NLRC3: variants seen among roughly 807,000 people sequenced by gnomAD.
NLRC3 encodes the protein NLR family CARD domain-containing protein 3.
In NLRC3, 87 loss-of-function variants were observed where a neutral mutation model predicts 91.6. The observed-to-expected ratio is 0.95, with a 90% CI of 0.80 to 1.14. NLRC3 has a LOEUF of 1.14. NLRC3 is among the 50% of genes most tolerant of loss of function. The pLI, the probability that NLRC3 is intolerant of heterozygous loss-of-function variation, is 0.00. For synonymous variants in NLRC3, 694 were observed against 625.3 expected, an observed-to-expected ratio of 1.11 and a Z score of -1.64; for missense variants, 1,577 against 1,418.6, an observed-to-expected ratio of 1.11 and a Z score of -1.79.
At chr16:3,556,587 C>T (rs1204327190) in intron 8 of NLRC3, among the ~76,000 whole-genome samples, 4 of 152,096 alleles carry the variant, frequency 2.6e-5, no homozygotes, top group Non-Finnish European at 4.4e-5. Context: ...TTACTGCAAC[C>T]TCTGCTTCCC....
chr16:3,541,888 G>A lies in NLRC3; in HGVS notation c.3135C>T (p.Ser1045=), dbSNP rs781368809. The A allele has an allele frequency of 2.3e-5, 37 of 1,611,224 alleles. No individual in the cohort carries two copies. The highest frequency in any genetic ancestry group is 3.3e-5 in the Admixed American group (2 of 59,796). Residue 1045 remains serine, a synonymous_variant, in exon 20 of 20, where the codon TCC becomes TCT. Transcript: ENST00000359128. Reference sequence around the variant, plus strand: ...TGGCCTCTGAGATCATCCTGGCCCCGGAGTCCCCAATGTGGTTTCCCTGGA... The same window carrying A: ...TGGCCTCTGAGATCATCCTGGCCCCAGAGTCCCCAATGTGGTTTCCCTGGA... ...INLQGNHIGD[S]GARMISEAIK...
chr16:3,557,038 G>C (rs75394576), intron 7 of NLRC3, 44 bp from the exon 8 acceptor site: 21 of 1,357,750 alleles, frequency 1.5e-5, no homozygotes, highest in Non-Finnish European at 2.2e-5. Flanking sequence ...CTGTCTCCCA[G>C]AGAGGGAAGG....
chr16:3,561,494 C>T (rs1245973034), intron 6 of NLRC3, among the ~76,000 whole-genome samples: 3 of 152,198 alleles, frequency 2.0e-5, no homozygotes, highest in Non-Finnish European at 4.4e-5. Flanking sequence ...CCCGCCAGGT[C>T]ACCTCCCTCT....
At chr16:3,573,733 A>T (rs1211529622) in intron 1 of NLRC3, among the ~76,000 whole-genome samples, 1 of 152,182 alleles carries the variant, frequency 6.6e-6, no homozygotes, top group Non-Finnish European at 1.5e-5. Flanking sequence ...TTGATTTAAA[A>T]TTTTGGTAAA....
chr16:3,544,424 A>G (rs2038579921), intron 15 of NLRC3, 95 bp from the exon 16 acceptor site: 7 of 812,544 alleles, frequency 8.6e-6, no homozygotes, highest in South Asian at 1.4e-5. Flanking sequence ...TTAACCGACT[A>G]CACACACCAT....
At position 3,549,771 on chromosome 16, in the gene NLRC3, G is replaced by A. The variant is rs1018795818; in HGVS notation, c.2445C>T (p.Ser815=). 2 of 1,550,490 alleles carry A rather than the reference G, an allele frequency of 1.3e-6. No homozygotes were observed. Among genetic ancestry groups the A allele is most frequent in the Admixed American group, 3.9e-5 (2 of 51,004 alleles). Residue 815 remains serine, a synonymous_variant, in exon 12 of 20, where the codon AGC becomes AGT. Transcript: ENST00000359128. The stretch of plus-strand genomic sequence containing the variant: ...CCACTCCTGCGTCACTGATGGAATT[G>A]CTCTGCAGGCTGCGGAAAGAGGAGG... ...NQGLESLDLQ[S]NSISDAGVAA... is the part of the protein sequence containing the mutation.
In NLRC3 at chr16:3,563,227, G is replaced by T; in HGVS notation, c.1710C>A (p.Cys570Ter). Residue 570 changes from cysteine (C) to a stop codon, truncating the protein, a stop_gained, in exon 5 of 20, where the codon TGC becomes TGA. Coordinates refer to ENST00000359128, the MANE Select transcript of NLRC3 (RefSeq NM_178844.4). LOFTEE classifies it high-confidence loss of function. ...VCARAINVLH[C>*]LHELQHTELA... ...GCTCGGTGTGCTGCAGCTCATGCAG[G>T]CAGTGCAACACGTTGATGGCCCGTG... 1 of 1,603,990 alleles carries T rather than the reference G, an allele frequency of 6.2e-7. No individual in the cohort carries two copies. The highest frequency in any genetic ancestry group is 8.5e-7 in the Non-Finnish European group (1 of 1,177,502).
In NLRC3 at chr16:3,561,855, G is replaced by A. The variant is rs141421687; in HGVS notation, c.1929-67C>T. ...ACGGGCAGGGTGGGGGCCCTGGCCC[G>A]GGGCCTCTGCCTCTCTCCATCCCAT... On this transcript the variant is annotated intron_variant, in intron 5 of 19. Transcript: ENST00000359128. 6.4e-4 allele frequency: 720 copies of A among 1,129,122 alleles called. 3 individuals are homozygous for A. The East Asian group carries it at 0.011, about 17-fold the overall frequency. 69.9% of individuals were successfully genotyped at this position (1,129,122 alleles called of 1,614,324 possible). A position where few individuals can be genotyped will look rare whatever the true frequency, so the allele number is the denominator to read the frequency against.
rs779442413 is a variant in NLRC3, at chr16:3,561,761, G to A, written c.1956C>T (p.Pro652=). The change falls in exon 6 of 20, where the codon CCC becomes CCT. Residue 652 remains proline, a synonymous_variant. Coordinates refer to ENST00000359128, the MANE Select transcript of NLRC3 (RefSeq NM_178844.4). The part of the protein sequence containing the change: ...LRLDTNQFQD[P]VMELLGSVLS... ...GCACGCTGCCCAGCAGCTCCATCACGGGGTCCTGGAACTGGTTGGTGTCCA... is the reference window on the plus strand; with the variant it reads ...GCACGCTGCCCAGCAGCTCCATCACAGGGTCCTGGAACTGGTTGGTGTCCA... 13 of 1,613,396 alleles carry A rather than the reference G, an allele frequency of 8.1e-6. No individual in the cohort carries two copies. The highest frequency in any genetic ancestry group is 5.0e-5 in the Admixed American group (3 of 60,012).
Position 3,541,846 on chromosome 16 carries a change from G to A in NLRC3, c.3177C>T (p.Pro1059=). The part of the protein sequence containing the change: ...MISEAIKTNA[P]TCTVEM ...AGGATCACATTTCAACAGTGCACGT[G>A]GGAGCATTTGTCTTGATGGCCTCTG... The change falls in exon 20 of 20, where the codon CCC becomes CCT. Residue 1059 remains proline, a synonymous_variant. Transcript: ENST00000359128. The A allele has an allele frequency of 1.2e-6, 2 of 1,610,982 alleles. No homozygotes were observed. The highest frequency in any genetic ancestry group is 2.2e-5 in the South Asian group (2 of 90,704).
At chr16:3,553,680 GT>G (rs2039133000) in intron 9 of NLRC3, among the ~76,000 whole-genome samples, 1 of 149,792 alleles carries the variant, frequency 6.7e-6, no homozygotes, top group African/African-American at 2.5e-5. Context: ...ACATCTGTGG[GT>G]TGGTAGAAGG....
chr16:3,549,863 C>G, intron 11 of NLRC3, 83 bp from the exon 12 acceptor site: 1 of 915,876 alleles, frequency 1.1e-6, no homozygotes, highest in Non-Finnish European at 1.7e-6. Context: ...ACAGCAGGCA[C>G]TGGGCTCAAC....
intron 10 of NLRC3, among the ~76,000 whole-genome samples, chr16:3,550,729 G>A (rs113138692): frequency 0.014 from 2,195 of 152,330 alleles, 15 homozygotes; most frequent in Middle Eastern, 0.031. Context: ...CTGGCAAGAA[G>A]GGTCAACCCT....
In NLRC3 at chr16:3,553,044, G is replaced by A. The variant is rs1356705418; in HGVS notation, c.2268-765C>T. ...TAAATCTGGTGGAGGGAGACAGCAC[G>A]GGAGAAACCCTGTCCTCATCCTACA... On this transcript the variant is annotated intron_variant, in intron 9 of 19. Transcript: ENST00000359128. Among the ~76,000 whole-genome samples, 9 of 152,322 alleles carry A rather than the reference G, an allele frequency of 5.9e-5. No individual in the cohort carries two copies. In the South Asian group the frequency reaches 6.2e-4, roughly 11 times the overall value.
chr16:3,551,453 A>T (rs1186207195), intron 10 of NLRC3, among the ~76,000 whole-genome samples: 1 of 149,594 alleles, frequency 6.7e-6, no homozygotes, highest in Non-Finnish European at 1.5e-5. Context: ...TACTCTACTC[A>T]TTCATTCATT....
chr16:3,544,229 G>C lies in NLRC3; in HGVS notation c.2855+17C>G, dbSNP rs200352220. 2 of 1,489,898 alleles carry C rather than the reference G, an allele frequency of 1.3e-6. No individual in the cohort carries two copies. Among genetic ancestry groups the C allele is most frequent in the East Asian group, 4.5e-5 (2 of 44,228 alleles). 92.3% of individuals were successfully genotyped at this position (1,489,898 alleles called of 1,614,324 possible). ...AAGGGACCGGTTTCCTGACTGCTGCGCACATCTAGGACTTACTAGAGAGCA... is the reference window on the plus strand; with the variant it reads ...AAGGGACCGGTTTCCTGACTGCTGCCCACATCTAGGACTTACTAGAGAGCA... On this transcript the variant is annotated intron_variant, in intron 16 of 19. Transcript: ENST00000359128.
At position 3,563,269 on chromosome 16, in the gene NLRC3, G is replaced by C; in HGVS notation, c.1668C>G (p.Pro556=). The change falls in exon 5 of 20, where the codon CCC becomes CCG. Residue 556 remains proline (P), a synonymous_variant. Transcript: ENST00000359128. ...TGGCCCGTGCACAGACTGCGGCATC[G>C]GGGCGCAGGCAGCCCTGCAGGAGCT... is the stretch of plus-strand genomic sequence containing the variant. The part of the protein sequence containing the change: ...VAELLQGCLR[P]DAAVCARAIN... 1 of 1,605,638 alleles carries C rather than the reference G, an allele frequency of 6.2e-7. No individual in the cohort carries two copies. The highest frequency in any genetic ancestry group is 8.5e-7 in the Non-Finnish European group (1 of 1,177,518).
rs2038395734 is a variant in NLRC3 at position 3,541,599 on chromosome 16, T to C, written c.*226A>G. 1 of 558,682 alleles carries C rather than the reference T, an allele frequency of 1.8e-6. No homozygotes were observed. Among genetic ancestry groups the C allele is most frequent in the Non-Finnish European group, 3.2e-6 (1 of 312,962 alleles). The allele number at this position is 558,682 out of a possible 1,614,324, so 34.6% of individuals were successfully genotyped here. On this transcript the variant is annotated 3_prime_UTR_variant, in exon 20 of 20. Coordinates refer to ENST00000359128, the MANE Select transcript of NLRC3 (RefSeq NM_178844.4). ...CCTTGGGGGTGGCCCCTCCCTTCTCTGTGCCATAACAGAGTACCCGTCACC... is the reference window on the plus strand; with the variant it reads ...CCTTGGGGGTGGCCCCTCCCTTCTCCGTGCCATAACAGAGTACCCGTCACC...
chr16:3,555,341 G>A (rs1010028839), intron 8 of NLRC3, among the ~76,000 whole-genome samples: 10 of 152,004 alleles, frequency 6.6e-5, no homozygotes, highest in African/African-American at 2.4e-4. Context: ...GCACACCAAA[G>A]GCGAGCCTAT....
Sources: allele counts gnomAD v4.1 joint callset (sites outside exome capture counted in the v4.1 genomes callset), GRCh38; gene constraint gnomAD v4.1.1; transcripts MANE v1.5; gene names NCBI Gene and HGNC (gene_info 2026-07-23, HGNC 2026-07-21).